The following ROBO2 variants were observed in gnomAD, a reference collection of about 807,000 sequenced individuals.
ROBO2 encodes roundabout guidance receptor 2.
A neutral mutation model predicts 160.8 loss-of-function variants in ROBO2; 53 were observed. The observed-to-expected ratio is 0.33, with a 90% CI of 0.26 to 0.41. ROBO2 has a LOEUF of 0.41. ROBO2 is among the 10% of genes least tolerant of loss of function. The pLI, the probability that ROBO2 is intolerant of heterozygous loss-of-function variation, is 1.00. For synonymous variants in ROBO2, 664 were observed against 611.7 expected, an observed-to-expected ratio of 1.09 and a Z score of -1.26; for missense variants, 1,577 against 1,722.4, an observed-to-expected ratio of 0.92 and a Z score of 1.49.
chr3:77,322,973 A>T (rs1581058024), intron 2 of ROBO2, among the ~76,000 whole-genome samples: 2 of 134,072 alleles, frequency 1.5e-5, no homozygotes, highest in South Asian at 4.4e-4. Flanking sequence ...ATAATATATT[A>T]TATTATATTA....
At chr3:77,323,306 G>T in intron 2 of ROBO2, among the ~76,000 whole-genome samples, 1 of 151,302 alleles carries the variant, frequency 6.6e-6, no homozygotes. Flanking sequence ...CCCTCCTTTG[G>T]CAATACTCAC....
chr3:77,461,555 T>G (rs2082244066), intron 2 of ROBO2, among the ~76,000 whole-genome samples: 1 of 152,042 alleles, frequency 6.6e-6, no homozygotes, highest in African/African-American at 2.4e-5. Flanking sequence ...ACATTAATGA[T>G]ATTTTTGTTT....
At chr3:76,785,919 A>G (rs867160008) in intron 2 of ROBO2, among the ~76,000 whole-genome samples, 1 of 151,326 alleles carries the variant, frequency 6.6e-6, no homozygotes, top group Non-Finnish European at 1.5e-5. Flanking sequence ...CTAAGTTTTT[A>G]TATGTATTAG....
intron 13 of ROBO2, among the ~76,000 whole-genome samples, chr3:77,572,994 G>A (rs377239403): frequency 6.6e-6 from 1 of 151,756 alleles, no homozygotes; most frequent in African/African-American, 2.4e-5. Flanking sequence ...ATTAATAACC[G>A]TCTCCATAAT....
chr3:77,209,521 G>C (rs142148124), intron 2 of ROBO2, among the ~76,000 whole-genome samples: 181 of 152,290 alleles, frequency 1.2e-3, no homozygotes, highest in Non-Finnish European at 2.0e-3. Flanking sequence ...AATGTCATTA[G>C]ACAATCAATT....
At chr3:76,587,405 T>C (rs111256549) in intron 2 of ROBO2, among the ~76,000 whole-genome samples, 10,148 of 152,110 alleles carry the variant, frequency 0.067, 1,024 homozygotes, top group African/African-American at 0.22. Flanking sequence ...TTTAATTGAC[T>C]CACAGTTCCA....
chr3:76,370,894 T>C (rs1037613527), intron 2 of ROBO2, among the ~76,000 whole-genome samples: 1 of 151,914 alleles, frequency 6.6e-6, no homozygotes, highest in African/African-American at 2.4e-5. Context: ...TGCGGACTCA[T>C]ATGTCATTTC....
intron 2 of ROBO2, among the ~76,000 whole-genome samples, chr3:77,164,462 AGC>A: frequency 8.3e-6 from 1 of 120,708 alleles, no homozygotes; most frequent in Non-Finnish European, 1.8e-5. Flanking sequence ...CCGCCTGGCC[AGC>A]AGTGCTGTCC....
intron 2 of ROBO2, among the ~76,000 whole-genome samples, chr3:77,164,564 G>A (rs1275417596): frequency 1.9e-4 from 27 of 139,706 alleles, no homozygotes; most frequent in Non-Finnish European, 3.5e-4. Context: ...CCGGCCAGCC[G>A]CCCCGTCCGG....
At chr3:76,179,968 A>G (rs1701426174) in intron 2 of ROBO2, among the ~76,000 whole-genome samples, 1 of 152,160 alleles carries the variant, frequency 6.6e-6, no homozygotes, top group African/African-American at 2.4e-5. Flanking sequence ...TTTAGCTATG[A>G]TAAAAATGCT....
chr3:76,857,012 G>T (rs886392731), intron 2 of ROBO2, among the ~76,000 whole-genome samples: 3 of 152,090 alleles, frequency 2.0e-5, no homozygotes, highest in African/African-American at 7.2e-5. Context: ...TTGAGACGGA[G>T]TCTTGCTCTG....
intron 2 of ROBO2, among the ~76,000 whole-genome samples, chr3:77,471,383 C>T (rs2083332537): frequency 6.6e-6 from 1 of 152,146 alleles, no homozygotes; most frequent in South Asian, 2.1e-4. Context: ...TTTAAAGGCA[C>T]TCTGTTAGTT....
At chr3:76,340,347 C>T (rs1400500492) in intron 2 of ROBO2, among the ~76,000 whole-genome samples, 1 of 152,022 alleles carries the variant, frequency 6.6e-6, no homozygotes, top group African/African-American at 2.4e-5. Flanking sequence ...GAACAGTATC[C>T]AACATTTCAC....
At chr3:75,915,476 C>T (rs1946772055) in intron 1 of ROBO2, among the ~76,000 whole-genome samples, 1 of 151,948 alleles carries the variant, frequency 6.6e-6, no homozygotes, top group Non-Finnish European at 1.5e-5. Flanking sequence ...TCATCTGATC[C>T]CAGCATAATT....
chr3:76,858,282 T>G (rs998318129), intron 2 of ROBO2, among the ~76,000 whole-genome samples: 5 of 151,924 alleles, frequency 3.3e-5, no homozygotes, highest in African/African-American at 1.2e-4. Flanking sequence ...AATAGCTTTG[T>G]TTTTTTTGGA....
chr3:76,776,546 AAGGGC>A lies in ROBO2; in HGVS notation c.110-321465_110-321461del, dbSNP rs572811053. 2.3e-3 allele frequency among the ~76,000 whole-genome samples: 343 copies of A among 150,994 alleles called. 2 individuals are homozygous for A. Among genetic ancestry groups the A allele is most frequent in the African/African-American group, 7.9e-3 (327 of 41,396 alleles). On this transcript the variant is annotated intron_variant, in intron 2 of 26. Transcript: ENST00000487694. The stretch of plus-strand genomic sequence containing the variant: ...GAGTTCTGGGTACTTCACACCCTTT[AAGGGC>A]AGATGCAGATATGCCATTGCACTTT...
rs566752618 is a variant in ROBO2, at chr3:76,471,183, G to A, written c.109+533581G>A. ...TCATTTTAAATTACTTGAGGGCAGC[G>A]ACAAACTATTAGCCAATTTTATATG... On this transcript the variant is annotated intron_variant, in intron 2 of 26. Transcript: ENST00000487694. 9.9e-5 allele frequency among the ~76,000 whole-genome samples: 15 copies of A among 152,144 alleles called. No individual in the cohort carries two copies. In the East Asian group the frequency reaches 1.4e-3, roughly 14 times the overall value.
At chr3:77,085,817 A>C (rs1350956176) in intron 1 of ROBO2, among the ~76,000 whole-genome samples, 1 of 152,106 alleles carries the variant, frequency 6.6e-6, no homozygotes, top group African/African-American at 2.4e-5. Flanking sequence ...TTCTAGGAAA[A>C]GTTATTGCTT....
chr3:76,559,681 T>C (rs1218698773), intron 2 of ROBO2, among the ~76,000 whole-genome samples: 2 of 152,030 alleles, frequency 1.3e-5, no homozygotes, highest in African/African-American at 4.8e-5. Context: ...CCCAGTGACA[T>C]GGGGCACCTG....
Sources: allele counts gnomAD v4.1 joint callset (sites outside exome capture counted in the v4.1 genomes callset), GRCh38; gene constraint gnomAD v4.1.1; transcripts MANE v1.5; gene names NCBI Gene and HGNC (gene_info 2026-07-23, HGNC 2026-07-21).